GLRA2: variants seen among roughly 807,000 people sequenced by gnomAD.
The protein encoded by GLRA2 is glycine receptor subunit alpha-2.
In GLRA2, 11 loss-of-function variants were observed where a neutral mutation model predicts 31.6. The ratio of observed to expected loss-of-function variants is 0.35; its 90% CI spans 0.22 to 0.58. The LOEUF (loss-of-function observed/expected upper bound fraction) is 0.58. GLRA2 is among the 20% of genes least tolerant of loss of function. The pLI is 0.84. For synonymous variants in GLRA2, 132 were observed against 134.0 expected (o/e 0.99, Z 0.10); for missense variants, 212 against 351.8 (o/e 0.60, Z 3.18).
At chrX:14,578,397 C>T (rs375453129) in intron 3 of GLRA2, among the ~76,000 whole-genome samples, 35 of 112,040 alleles carry the variant, frequency 3.1e-4, no homozygotes, top group East Asian at 1.4e-3. Flanking sequence ...CAGGACAACA[C>T]ATTTGTGTTA....
At chrX:14,590,098 T>C (rs745815250) in intron 4 of GLRA2, among the ~76,000 whole-genome samples, 1 of 111,702 alleles carries the variant, frequency 9.0e-6, no homozygotes, top group Non-Finnish European at 1.9e-5. Context: ...GTTTACCTCA[T>C]CATCAACCTT....
At chrX:14,455,790 AC>A in the GLRA2 span, among the ~76,000 whole-genome samples, 2 of 112,001 alleles carry the variant, frequency 1.8e-5, no homozygotes, top group Non-Finnish European at 3.8e-5. Flanking sequence ...TATGGGTTTT[AC>A]TTTTTTAATT....
At chrX:14,660,087 C>T (rs755074389) in intron 7 of GLRA2, among the ~76,000 whole-genome samples, 1 of 111,670 alleles carries the variant, frequency 9.0e-6, no homozygotes, top group East Asian at 2.8e-4. Flanking sequence ...GTAATATATA[C>T]AACAAATAAG....
intron 3 of GLRA2, among the ~76,000 whole-genome samples, chrX:14,575,493 G>A (rs1208598782): frequency 9.0e-6 from 1 of 110,572 alleles, no homozygotes. Context: ...AGCCACCACA[G>A]GATCTCACTC....
At chrX:14,666,921 T>C (rs1325195699) in intron 7 of GLRA2, among the ~76,000 whole-genome samples, 1 of 112,255 alleles carries the variant, frequency 8.9e-6, no homozygotes, top group Non-Finnish European at 1.9e-5. Context: ...TCAGCACTGA[T>C]AGAGTGCAAG....
chrX:14,657,824 T>C (rs1194835567), intron 7 of GLRA2, among the ~76,000 whole-genome samples: 2 of 112,174 alleles, frequency 1.8e-5, no homozygotes, highest in Non-Finnish European at 3.8e-5. Context: ...GTAACCATAA[T>C]GGGTCTCCTC....
At chrX:14,653,399 G>T (rs1467346798) in intron 7 of GLRA2, among the ~76,000 whole-genome samples, 1 of 111,784 alleles carries the variant, frequency 8.9e-6, no homozygotes, top group African/African-American at 3.3e-5. Context: ...CAGGAGTTTG[G>T]AAAAAGTTGA....
At chrX:14,597,587 T>C (rs1212299068) in intron 4 of GLRA2, among the ~76,000 whole-genome samples, 2 of 110,846 alleles carry the variant, frequency 1.8e-5, no homozygotes, top group Non-Finnish European at 3.8e-5. Context: ...CAACAAGCCA[T>C]GAGGATTCTG....
chrX:14,620,305 C>A (rs2090501193), intron 7 of GLRA2, among the ~76,000 whole-genome samples: 1 of 108,645 alleles, frequency 9.2e-6, no homozygotes, highest in African/African-American at 3.4e-5. Context: ...TCCATTGTCC[C>A]TTCTCGCTTC....
rs770408201 is a variant in GLRA2 at position 14,636,192 on chromosome X, A to C, written c.930+26987A>C. Among the ~76,000 whole-genome samples, 18 of 112,157 alleles carry C rather than the reference A, an allele frequency of 1.6e-4. No homozygotes were observed. In the East Asian group the frequency reaches 5.0e-3, roughly 31 times the overall value. ...GCAGAATTCCAAATAACTCATATAG[A>C]TATATTCTGCCCTCAAGGAGGTAGA... On this transcript the variant is annotated intron_variant, in intron 7 of 8. Transcript: ENST00000218075.
At chrX:14,450,408 G>A in the GLRA2 span, among the ~76,000 whole-genome samples, 1 of 111,818 alleles carries the variant, frequency 8.9e-6, no homozygotes, top group Admixed American at 9.4e-5. Flanking sequence ...TAGGGCTAAG[G>A]AAATGCAGGT....
At chrX:14,580,947 TCAAC>T (rs2090009699) in intron 3 of GLRA2, among the ~76,000 whole-genome samples, 1 of 111,958 alleles carries the variant, frequency 8.9e-6, no homozygotes, top group African/African-American at 3.2e-5. Context: ...ACTAAAAAAT[TCAAC>T]CAAGTCAACC....
At chrX:14,629,277 A>T (rs1218554076) in intron 7 of GLRA2, among the ~76,000 whole-genome samples, 1 of 111,653 alleles carries the variant, frequency 9.0e-6, no homozygotes, top group African/African-American at 3.3e-5. Context: ...TGTGAGGAAC[A>T]GTGAAAAGCC....
chrX:14,565,391 T>C (rs189097701), intron 2 of GLRA2, among the ~76,000 whole-genome samples: 70 of 111,905 alleles, frequency 6.3e-4, no homozygotes, highest in African/African-American at 1.8e-3. Context: ...ACATTATATA[T>C]GGAGAGAGAT....
intron 7 of GLRA2, among the ~76,000 whole-genome samples, chrX:14,621,976 C>T (rs2090525229): frequency 8.9e-6 from 1 of 112,173 alleles, no homozygotes; most frequent in Admixed American, 9.4e-5. Flanking sequence ...ACAGTCCCAA[C>T]AACAGTGTAA....
chrX:14,643,706 A>G (rs970469096), intron 7 of GLRA2, among the ~76,000 whole-genome samples: 1 of 111,604 alleles, frequency 9.0e-6, no homozygotes, highest in Non-Finnish European at 1.9e-5. Context: ...TTTGGTGTAT[A>G]GAGTGCTTCC....
chrX:14,551,548 G>A (rs747652570), intron 2 of GLRA2, among the ~76,000 whole-genome samples: 1 of 111,209 alleles, frequency 9.0e-6, no homozygotes, highest in African/African-American at 3.3e-5. Flanking sequence ...CTTCCTCCAT[G>A]GGCTACACAT....
intron 8 of GLRA2, among the ~76,000 whole-genome samples, chrX:14,725,609 TA>T (rs1313770445): frequency 4.5e-5 from 5 of 112,124 alleles, no homozygotes; most frequent in African/African-American, 1.3e-4. Flanking sequence ...TAGACTCTGC[TA>T]AAATCTTTTC....
intron 7 of GLRA2, among the ~76,000 whole-genome samples, chrX:14,669,658 G>C (rs1037562705): frequency 1.8e-5 from 2 of 111,855 alleles, no homozygotes; most frequent in African/African-American, 6.5e-5. Context: ...CTCTATGTTG[G>C]CCCCTTTCAG....
Sources: allele counts gnomAD v4.1 joint callset (sites outside exome capture counted in the v4.1 genomes callset), GRCh38; gene constraint gnomAD v4.1.1; transcripts MANE v1.5; gene names NCBI Gene and HGNC (gene_info 2026-07-23, HGNC 2026-07-21).